SLC9B2: variants seen among roughly 807,000 people sequenced by gnomAD.
SLC9B2 encodes sodium/hydrogen exchanger 9B2.
A neutral mutation model predicts 52.2 loss-of-function variants in SLC9B2; 39 were observed. The observed-to-expected ratio is 0.75, with a 90% confidence interval of 0.58 to 0.98. SLC9B2 has a LOEUF of 0.98. Ranked by LOEUF, SLC9B2 falls within the 50% of genes least tolerant of loss-of-function variation. The probability of loss-of-function intolerance (pLI) is 0.00; values close to 1 mark genes in which losing one functional copy is unlikely to be tolerated. For synonymous variants in SLC9B2, 214 were observed against 227.0 expected, an observed-to-expected ratio of 0.94 and a Z score of 0.51; for missense variants, 626 against 637.5, an observed-to-expected ratio of 0.98 and a Z score of 0.19.
intron 4 of SLC9B2, among the ~76,000 whole-genome samples, chr4:103,054,735 A>C (rs138125352): frequency 0.012 from 1,755 of 152,280 alleles, 39 homozygotes; most frequent in African/African-American, 0.04. Flanking sequence ...AAGTCAGGAA[A>C]CAACAAGTGC....
rs767826317 is a variant in SLC9B2, at chr4:103,049,036, A to G, written c.586-16T>C. 2.5e-6 allele frequency: 4 copies of G among 1,611,844 alleles called. No homozygotes were observed. In the Admixed American group the frequency reaches 5.0e-5, roughly 20 times the overall value. ...TCTTCAGGGCCTGAAATAGAAAAGT[A>G]GACATCCTAATATAATCCTCTGAAG... On this transcript the variant is annotated splice_polypyrimidine_tract_variant and intron_variant, in intron 5 of 11. Transcript: ENST00000394785.
rs1312646102 is a variant in SLC9B2 at position 103,048,969 on chromosome 4, T to C, written c.637A>G (p.Ile213Val). ...VCVRLSMGPC[I>V]VEACTSALLA... ...AGAGCAGATGTGCACGCCTCCACAA[T>C]ACAGGGACCCATGGACAGTCTTACA... Residue 213 changes from isoleucine to valine, a missense_variant, in exon 6 of 12, where the codon ATT becomes GTT. By Grantham distance (29) the Ile-to-Val change is conservative. Coordinates refer to ENST00000394785, the MANE Select transcript of SLC9B2 (RefSeq NM_178833.7). The C allele has an allele frequency of 1.2e-6, 2 of 1,613,810 alleles. No individual in the cohort carries two copies. The highest frequency in any genetic ancestry group is 2.7e-5 in the African/African-American group (2 of 74,894).
rs552502828 is a variant in SLC9B2 at position 103,066,133 on chromosome 4, C to G, written c.271+194G>C. 3.3e-5 allele frequency among the ~76,000 whole-genome samples: 5 copies of G among 152,352 alleles called. No homozygotes were observed. The East Asian group carries it at 7.7e-4, about 23-fold the overall frequency. On this transcript the variant is annotated intron_variant, in intron 3 of 11. Coordinates refer to ENST00000394785, the MANE Select transcript of SLC9B2 (RefSeq NM_178833.7). Reference sequence around the variant, plus strand: ...GTGATCCTGAAAGCCAAGGTGAAGACAGTGGAGCCCTGTTAGTCTAGGTCC... The same window carrying G: ...GTGATCCTGAAAGCCAAGGTGAAGAGAGTGGAGCCCTGTTAGTCTAGGTCC...
At chr4:103,069,595 T>C (rs1746442205) in intron 1 of SLC9B2, among the ~76,000 whole-genome samples, 1 of 152,238 alleles carries the variant, frequency 6.6e-6, no homozygotes, top group Non-Finnish European at 1.5e-5. Context: ...GCTTTCCCTA[T>C]TAAGCAAGAA....
rs576110499 is a variant in SLC9B2, at chr4:103,045,642, A to G, written c.890-646T>C. On this transcript the variant is annotated intron_variant, in intron 7 of 11. Transcript: ENST00000394785. The stretch of plus-strand genomic sequence containing the variant: ...TGGGGGGGTGGGGCGGGGAGAGGAA[A>G]CACAGCAGAGTCAACTAGGAAGGTT... 4.6e-5 allele frequency among the ~76,000 whole-genome samples: 7 copies of G among 152,162 alleles called. No individual in the cohort carries two copies. The East Asian group carries it at 1.2e-3, about 25-fold the overall frequency.
intron 9 of SLC9B2, among the ~76,000 whole-genome samples, chr4:103,038,867 C>G (rs1002150081): frequency 1.3e-5 from 2 of 152,112 alleles, no homozygotes; most frequent in African/African-American, 4.8e-5. Flanking sequence ...GTGAGTGCAT[C>G]TGAATACAAC....
intron 3 of SLC9B2, among the ~76,000 whole-genome samples, chr4:103,063,701 T>A (rs1039429581): frequency 2.6e-5 from 4 of 152,056 alleles, no homozygotes; most frequent in Non-Finnish European, 5.9e-5. Context: ...ACAAACCAGA[T>A]TACACCAAAC....
At chr4:103,029,964 T>G (rs1177995698) in intron 10 of SLC9B2, among the ~76,000 whole-genome samples, 1 of 152,130 alleles carries the variant, frequency 6.6e-6, no homozygotes, top group Non-Finnish European at 1.5e-5. Flanking sequence ...TATGGCTTTT[T>G]TATGGGAAAG....
intron 10 of SLC9B2, among the ~76,000 whole-genome samples, chr4:103,029,537 T>C (rs1264092866): frequency 1.3e-5 from 2 of 152,122 alleles, no homozygotes; most frequent in Non-Finnish European, 2.9e-5. Context: ...TGTTTCACCA[T>C]ACTGATGTGT....
chr4:103,070,736 C>A (rs942872849), intron 1 of SLC9B2, among the ~76,000 whole-genome samples: 1 of 152,152 alleles, frequency 6.6e-6, no homozygotes, highest in African/African-American at 2.4e-5. Flanking sequence ...CCACCATGCC[C>A]GGCCCTTATT....
rs566838288 is a variant in SLC9B2, at chr4:103,043,301, C to T, written c.1141G>A (p.Glu381Lys). 1.7e-5 allele frequency: 27 copies of T among 1,599,008 alleles called. No homozygotes were observed. The highest frequency in any genetic ancestry group is 8.0e-5 in the South Asian group (7 of 87,390). The change falls in exon 9 of 12, where the codon GAA becomes AAA. Residue 381 changes from glutamate to lysine, a missense_variant. Transcript: ENST00000394785. ...AFLAGMGWTS[E>K]KAEVEKIIAV... ...AAACTTAAAATGAAATTCACCTTTT[C>T]GCTGGTCCATCCCATGCCTGCAAGG...
chr4:103,055,530 TAGTA>T (rs1745053960), intron 4 of SLC9B2, among the ~76,000 whole-genome samples: 3 of 152,172 alleles, frequency 2.0e-5, no homozygotes. Context: ...AAATGGGGCA[TAGTA>T]AGAGATAAAT....
rs925169890 is a variant in SLC9B2, at chr4:103,062,939, T to C, written c.271+3388A>G. Among the ~76,000 whole-genome samples, 42 of 152,156 alleles carry C rather than the reference T, an allele frequency of 2.8e-4. 5 individuals carry two copies. Among genetic ancestry groups the C allele is most frequent in the Admixed American group, 2.4e-3 (37 of 15,270 alleles). On this transcript the variant is annotated intron_variant, in intron 3 of 11. Transcript: ENST00000394785. Reference sequence around the variant, plus strand: ...TTTTAAGAAGAATACTGATATATACTGCATAGGCACAGGAAAAAATATAGG... The same window carrying C: ...TTTTAAGAAGAATACTGATATATACCGCATAGGCACAGGAAAAAATATAGG...
At position 103,076,708 on chromosome 4, in the gene SLC9B2, CCCGGAAAGCTTA is replaced by C. The variant is rs1262841485; in HGVS notation, c.-579_-568del. ...GACCAGCGAGCTCCCGGGAAAGCTT[CCCGGAAAGCTTA>C]CCCAGAGAGCGCGGACCCAGGCGCC... On this transcript the variant is annotated 5_prime_UTR_variant, in exon 1 of 12. Transcript: ENST00000394785. The C allele has an allele frequency of 6.6e-6, 1 of 152,288 alleles. No individual in the cohort carries two copies. Among genetic ancestry groups the C allele is most frequent in the Non-Finnish European group, 1.5e-5 (1 of 68,080 alleles). 9.4% of individuals were successfully genotyped at this position (152,288 alleles called of 1,614,324 possible).
chr4:103,071,969 T>C (rs1231329045), intron 1 of SLC9B2, among the ~76,000 whole-genome samples: 1 of 152,072 alleles, frequency 6.6e-6, no homozygotes, highest in Non-Finnish European at 1.5e-5. Context: ...AATCATTTTT[T>C]GTAGTTGTGA....
intron 4 of SLC9B2, among the ~76,000 whole-genome samples, chr4:103,055,258 AG>A (rs1275774296): frequency 6.8e-6 from 1 of 146,804 alleles, no homozygotes; most frequent in Non-Finnish European, 1.5e-5. Context: ...GGGAGGGAGG[AG>A]GGATAGCATT....
intron 11 of SLC9B2, among the ~76,000 whole-genome samples, 188 bp from the exon 12 acceptor site, chr4:103,026,779 T>C (rs1742260488): frequency 6.6e-6 from 1 of 152,186 alleles, no homozygotes; most frequent in Non-Finnish European, 1.5e-5. Context: ...ATGGCACATG[T>C]ATACATATAT....
At chr4:103,037,595 T>C (rs1314651439) in intron 9 of SLC9B2, among the ~76,000 whole-genome samples, 2 of 152,230 alleles carry the variant, frequency 1.3e-5, no homozygotes, top group East Asian at 3.8e-4. Context: ...TATTTAATAG[T>C]TCTGTTTCTA....
At chr4:103,018,395 A>C (rs1312656213), downstream of SLC9B2, among the ~76,000 whole-genome samples, 1 of 152,216 alleles carries the variant, frequency 6.6e-6, no homozygotes, top group Admixed American at 6.5e-5. Flanking sequence ...AATTTTAAAA[A>C]GTAAGTTAAA....
Sources: gnomAD v4.1 joint callset for allele counts (sites outside exome capture counted in the v4.1 genomes callset) on GRCh38, gnomAD v4.1.1 for gene constraint, MANE v1.5 for transcripts, NCBI Gene and HGNC (gene_info 2026-07-23, HGNC 2026-07-21) for gene names.